The following TMEM44 variants were observed in gnomAD, a reference collection of about 807,000 sequenced individuals.
TMEM44 encodes the protein transmembrane protein 44.
A neutral mutation model predicts 47.8 loss-of-function variants in TMEM44; 43 were observed. The ratio of observed to expected loss-of-function variants is 0.90; its 90% CI spans 0.70 to 1.16. The LOEUF (loss-of-function observed/expected upper bound fraction) is 1.16. TMEM44 is among the 50% of genes most tolerant of loss of function. The pLI is 0.00. For synonymous variants in TMEM44, 277 were observed against 238.8 expected (o/e 1.16, Z -1.48); for missense variants, 568 against 555.2 (o/e 1.02, Z -0.23).
rs774473158 is a variant in TMEM44 at position 194,625,910 on chromosome 3, G to T, written c.345C>A (p.Phe115Leu). 2.5e-6 allele frequency: 4 copies of T among 1,613,336 alleles called. No individual in the cohort carries two copies. Among genetic ancestry groups the T allele is most frequent in the Admixed American group, 1.7e-5 (1 of 60,012 alleles). The part of the protein sequence containing the change: ...FILFPVCGSK[F>L]KSNSDREARE... ...CCACACACTCACCTGAATTAGACTTGAATTTGGATCCACAGACTGGGAAGA... is the reference window on the plus strand; with the variant it reads ...CCACACACTCACCTGAATTAGACTTTAATTTGGATCCACAGACTGGGAAGA... Residue 115 changes from phenylalanine to leucine, a missense_variant, in exon 3 of 10, where the codon TTC (phenylalanine) becomes TTA (leucine). By Grantham distance (22) the Phe-to-Leu change is conservative. Coordinates refer to ENST00000347147, the MANE Select transcript of TMEM44 (RefSeq NM_001011655.3).
At chr3:194,604,529 T>G in intron 8 of TMEM44, 84 bp from the exon 9 acceptor site, 2 of 1,433,534 alleles carry the variant, frequency 1.4e-6, no homozygotes, top group Non-Finnish European at 1.8e-6. Context: ...CATACTTCAG[T>G]GTTCAAAATG....
intron 7 of TMEM44, among the ~76,000 whole-genome samples, chr3:194,615,285 C>A (rs1715755755): frequency 6.6e-6 from 1 of 152,058 alleles, no homozygotes; most frequent in Non-Finnish European, 1.5e-5. Context: ...AAGCGACCAA[C>A]TGGGCAAGCA....
rs1439864758 is a variant in TMEM44, at chr3:194,633,314, G to C, written c.-99C>G. 10 of 499,134 alleles carry C rather than the reference G, an allele frequency of 2.0e-5. No individual in the cohort carries two copies. The highest frequency in any genetic ancestry group is 2.4e-5 in the Non-Finnish European group (9 of 381,634). The allele number at this position is 499,134 out of a possible 1,614,324, so 30.9% of individuals were successfully genotyped here. On this transcript the variant is annotated 5_prime_UTR_variant, in exon 1 of 10. Transcript: ENST00000347147. ...CCGCCGCCCCGCGTGCCCTTCTCTG[G>C]GTTCCGTTCCGCCGCGGCGCCTCCG...
At chr3:194,628,175 G>A (rs748334) in intron 2 of TMEM44, among the ~76,000 whole-genome samples, 9,911 of 152,262 alleles carry the variant, frequency 0.065, 358 homozygotes, top group South Asian at 0.14. Context: ...GAGCAAAGAC[G>A]TGAAGGACTA....
chr3:194,623,459 C>A, intron 4 of TMEM44, 70 bp downstream of exon 4: 1 of 1,521,320 alleles, frequency 6.6e-7, no homozygotes, highest in East Asian at 2.4e-5. Flanking sequence ...TAGCCCCGGC[C>A]TCATCCCACC....
intron 9 of TMEM44, among the ~76,000 whole-genome samples, chr3:194,598,118 A>T (rs1422093899): frequency 6.6e-6 from 1 of 152,192 alleles, no homozygotes; most frequent in East Asian, 1.9e-4. Flanking sequence ...AAATCTGCAC[A>T]GCCCAGGAAA....
chr3:194,613,877 CT>C, intron 7 of TMEM44, among the ~76,000 whole-genome samples: 1 of 151,210 alleles, frequency 6.6e-6, no homozygotes, highest in Non-Finnish European at 1.5e-5. Context: ...AATCCCAGCA[CT>C]TTGGGAAGCC....
intron 2 of TMEM44, among the ~76,000 whole-genome samples, chr3:194,626,330 C>G (rs998141765): frequency 1.3e-5 from 2 of 152,220 alleles, no homozygotes; most frequent in Non-Finnish European, 2.9e-5. Flanking sequence ...CTCTGGCGCT[C>G]AGTTTCCCCA....
chr3:194,600,583 C>G (rs1247908727), intron 9 of TMEM44, among the ~76,000 whole-genome samples: 1 of 151,970 alleles, frequency 6.6e-6, no homozygotes, highest in African/African-American at 2.4e-5. Flanking sequence ...CTCATCTCTA[C>G]TAAAATATTA....
intron 8 of TMEM44, among the ~76,000 whole-genome samples, chr3:194,606,854 G>A (rs1714824856): frequency 6.8e-6 from 1 of 146,864 alleles, no homozygotes; most frequent in South Asian, 2.1e-4. Flanking sequence ...GCTGAGGCAT[G>A]AGAATCGAGA....
rs777675094 is a variant in TMEM44 at position 194,623,653 on chromosome 3, G to GC, written c.400dup (p.Ala134GlyfsTer46). ...CGGCAGGGCCAGGGCAAACACACTG[G>GC]CCCTGAGCTGCCGCCTCCTCTTCCT... On this transcript the variant is annotated frameshift_variant, in exon 4 of 10. Transcript: ENST00000347147. LOFTEE classifies it high-confidence loss of function. 14 of 1,613,156 alleles carry GC rather than the reference G, an allele frequency of 8.7e-6. No homozygotes were observed. Among genetic ancestry groups the GC allele is most frequent in the Non-Finnish European group, 1.2e-5 (14 of 1,179,930 alleles).
chr3:194,607,667 C>T (rs747131494), intron 8 of TMEM44, among the ~76,000 whole-genome samples: 3 of 152,224 alleles, frequency 2.0e-5, no homozygotes, highest in Non-Finnish European at 2.9e-5. Flanking sequence ...ACTCAGGAGT[C>T]GGCTGTGGGG....
At chr3:194,603,200 C>T (rs757047258) in intron 9 of TMEM44, among the ~76,000 whole-genome samples, 8 of 152,204 alleles carry the variant, frequency 5.3e-5, no homozygotes, top group South Asian at 2.1e-4. Flanking sequence ...CTGAGAGTTA[C>T]GCCTGTGTGT....
intron 5 of TMEM44, among the ~76,000 whole-genome samples, chr3:194,620,443 C>T (rs1577210455): frequency 6.6e-6 from 1 of 152,184 alleles, no homozygotes; most frequent in South Asian, 2.1e-4. Flanking sequence ...TCCTTTTTTC[C>T]AGGCCAGATT....
chr3:194,609,215 T>C (rs899663635), intron 8 of TMEM44, among the ~76,000 whole-genome samples: 11 of 152,074 alleles, frequency 7.2e-5, no homozygotes, highest in African/African-American at 2.7e-4. Context: ...AATGGGCAGC[T>C]GGGCAGCCGA....
Position 194,628,423 on chromosome 3 carries a change from TCA to T in TMEM44, c.222_223del (p.Cys74Ter), listed in dbSNP as rs779079710. 1 of 1,610,950 alleles carries T rather than the reference TCA, an allele frequency of 6.2e-7. No homozygotes were observed. The highest frequency in any genetic ancestry group is 2.2e-5 in the East Asian group (1 of 44,824). On this transcript the variant is annotated stop_gained and frameshift_variant, in exon 2 of 10. Transcript: ENST00000347147. LOFTEE classifies it high-confidence loss of function. ...TCTGGCCAGAAGAGCCCCGACGGTG[TCA>T]CACAGACTGGTCAGGAGGCAGCACG...
chr3:194,617,050 G>A, intron 6 of TMEM44, 49 bp downstream of exon 6: 6 of 1,441,188 alleles, frequency 4.2e-6, no homozygotes, highest in Non-Finnish European at 4.6e-6. Context: ...ACGAGACACA[G>A]GCCTCCTCTG....
chr3:194,627,577 T>A (rs929930100), intron 2 of TMEM44, among the ~76,000 whole-genome samples: 1 of 152,206 alleles, frequency 6.6e-6, no homozygotes, highest in African/African-American at 2.4e-5. Context: ...TGACTATGTA[T>A]TGGGCACCTA....
intron 2 of TMEM44, among the ~76,000 whole-genome samples, chr3:194,627,593 A>T (rs898825): frequency 0.79 from 120,838 of 152,180 alleles, 48,249 homozygotes; most frequent in East Asian, 0.97. Context: ...ACCTACTAGG[A>T]GCCAGGTGCT....
Sources: allele counts gnomAD v4.1 joint callset (sites outside exome capture counted in the v4.1 genomes callset), GRCh38; gene constraint gnomAD v4.1.1; transcripts MANE v1.5; gene names NCBI Gene and HGNC (gene_info 2026-07-23, HGNC 2026-07-21).